The following EPS15L1 variants were observed in gnomAD, a reference collection of about 807,000 sequenced individuals.
The protein encoded by EPS15L1 is epidermal growth factor receptor substrate 15-like 1.
In EPS15L1, 43 loss-of-function variants were observed where a neutral mutation model predicts 117.1. The ratio of observed to expected loss-of-function variants is 0.37; its 90% CI spans 0.29 to 0.47. The LOEUF (loss-of-function observed/expected upper bound fraction) is 0.47. EPS15L1 is among the 20% of genes least tolerant of loss of function. The probability of loss-of-function intolerance (pLI) is 0.99; values close to 1 mark genes in which losing one functional copy is unlikely to be tolerated. For missense variants in EPS15L1, 981 were observed against 1,164.0 expected (o/e 0.84, Z 2.29); for synonymous variants, 459 against 470.5 (o/e 0.98, Z 0.32).
chr19:16,465,058 A>G (rs149761676), intron 1 of EPS15L1, among the ~76,000 whole-genome samples: 1,688 of 151,998 alleles, frequency 0.011, 11 homozygotes, highest in Non-Finnish European at 0.015. Flanking sequence ...CAGCCTGGGC[A>G]ACAGAGCGAG....
chr19:16,414,491 C>T (rs967453216), intron 12 of EPS15L1, among the ~76,000 whole-genome samples: 1 of 151,982 alleles, frequency 6.6e-6, no homozygotes, highest in African/African-American at 2.4e-5. Flanking sequence ...TCCTCCGCCT[C>T]CCCAGTTCAA....
In EPS15L1 at chr19:16,392,299, C is replaced by G; in HGVS notation, c.2103+5G>C. The G allele has an allele frequency of 6.2e-7, 1 of 1,613,990 alleles. No individual in the cohort carries two copies. Among genetic ancestry groups the G allele is most frequent in the Non-Finnish European group, 8.5e-7 (1 of 1,179,840 alleles). On this transcript the variant is annotated splice_donor_5th_base_variant and intron_variant, in intron 19 of 23. Transcript: ENST00000455140. ...CTCTCCCGGGCAACGTCCCACCCCA[C>G]TCACCTTCGAAGGTAAGGAAGGGTT...
At chr19:16,413,291 C>G in intron 13 of EPS15L1, 1 of 663,604 alleles carries the variant, frequency 1.5e-6, no homozygotes, top group Non-Finnish European at 2.7e-6. Context: ...TCCCCACGCC[C>G]AGGGGCACTG....
At position 16,405,502 on chromosome 19, in the gene EPS15L1, G is replaced by A. The variant is rs745576769; in HGVS notation, c.1267-753C>T. 3.3e-5 allele frequency among the ~76,000 whole-genome samples: 5 copies of A among 152,212 alleles called. No individual in the cohort carries two copies. The highest frequency in any genetic ancestry group is 7.4e-5 in the Non-Finnish European group (5 of 68,018). The stretch of plus-strand genomic sequence containing the variant: ...CCCCATGATTCCACTTCCAAGAAAA[G>A]CATCCTGGAAGCATACAGCGTGTGC... On this transcript the variant is annotated intron_variant, in intron 13 of 23. Coordinates refer to ENST00000455140, the MANE Select transcript of EPS15L1 (RefSeq NM_001258374.3). This position sits in a 1 kb window ranked among gnomAD's most constrained non-coding sequence, Gnocchi z 4.0.
At chr19:16,393,917 T>C (rs2092511581) in intron 18 of EPS15L1, 34 bp downstream of exon 18, 2 of 1,609,122 alleles carry the variant, frequency 1.2e-6, no homozygotes, top group South Asian at 2.2e-5. Flanking sequence ...CTGGACACAG[T>C]CTAAAGACCG....
At position 16,392,301 on chromosome 19, in the gene EPS15L1, C is replaced by A; in HGVS notation, c.2103+3G>T. 1 of 1,613,958 alleles carries A rather than the reference C, an allele frequency of 6.2e-7. No homozygotes were observed. The highest frequency in any genetic ancestry group is 1.1e-5 in the South Asian group (1 of 91,066). On this transcript the variant is annotated splice_donor_region_variant and intron_variant, in intron 19 of 23. Transcript: ENST00000455140. ...CTCCCGGGCAACGTCCCACCCCACT[C>A]ACCTTCGAAGGTAAGGAAGGGTTTT...
rs774190555 is a variant in EPS15L1 at position 16,412,967 on chromosome 19, T to C, written c.1266+806A>G. On this transcript the variant is annotated intron_variant, in intron 13 of 23. Coordinates refer to ENST00000455140, the MANE Select transcript of EPS15L1 (RefSeq NM_001258374.3). ...CTCTTCTCCCGCCCATCAAGGAATC[T>C]GAGATCATTGACTTTTGCCTGGGGG... 8.0e-5 allele frequency: 53 copies of C among 666,438 alleles called. No individual in the cohort carries two copies. The Admixed American group carries it at 9.5e-4, about 12-fold the overall frequency. The allele number at this position is 666,438 out of a possible 1,614,324, so 41.3% of individuals were successfully genotyped here. A position where few individuals can be genotyped will look rare whatever the true frequency, so the allele number is the denominator to read the frequency against.
Position 16,402,391 on chromosome 19 carries a change from G to A in EPS15L1, c.1721C>T (p.Ala574Val). ...CAGGTTGGCCAGGTCGGTCAGGCTG[G>A]CACCATGGGCTCCATCGAGCACCTG... ...YDQVLDGAHG[A>V]SLTDLANLSE... The change falls in exon 16 of 24, where the codon GCC (alanine) becomes GTC (valine). Residue 574 changes from alanine (A) to valine (V), a missense_variant. Ala to Val is a moderately conservative substitution (Grantham distance 64, BLOSUM62 0). Transcript: ENST00000455140. The A allele has an allele frequency of 6.2e-7, 1 of 1,614,122 alleles. No individual in the cohort carries two copies. Among genetic ancestry groups the A allele is most frequent in the Admixed American group, 1.7e-5 (1 of 60,014 alleles).
At chr19:16,399,123 A>G (rs2092571230) in intron 16 of EPS15L1, among the ~76,000 whole-genome samples, 1 of 152,162 alleles carries the variant, frequency 6.6e-6, no homozygotes, top group African/African-American at 2.4e-5. Context: ...CAGGCCTGCA[A>G]TCACTTTCTC....
chr19:16,469,525 GA>G (rs901634391), intron 1 of EPS15L1, among the ~76,000 whole-genome samples: 1 of 150,536 alleles, frequency 6.6e-6, no homozygotes, highest in Non-Finnish European at 1.5e-5. Context: ...ATGCTGTTGG[GA>G]AAAAAAAATC....
In EPS15L1 at chr19:16,448,009, C is replaced by A. The variant is rs542089287; in HGVS notation, c.34-5790G>T. 3.9e-5 allele frequency among the ~76,000 whole-genome samples: 6 copies of A among 152,260 alleles called. No homozygotes were observed. The East Asian group carries it at 9.6e-4, about 24-fold the overall frequency. On this transcript the variant is annotated intron_variant, in intron 1 of 23. Transcript: ENST00000455140. ...AAAAGTATTTCAGGAGGAAGGAAAG[C>A]CTTTCCACAAAGGGCACTGGAGCAA...
At chr19:16,447,043 T>C (rs1214906971) in intron 1 of EPS15L1, among the ~76,000 whole-genome samples, 1 of 152,206 alleles carries the variant, frequency 6.6e-6, no homozygotes, top group African/African-American at 2.4e-5. Context: ...ATCCTTCCAT[T>C]TCTGCCTTCC....
chr19:16,387,689 C>T (rs1192244824), intron 19 of EPS15L1, among the ~76,000 whole-genome samples: 2 of 152,080 alleles, frequency 1.3e-5, no homozygotes, highest in African/African-American at 4.8e-5. Context: ...TGGCTTGAAC[C>T]CAGGAGGTGG....
intron 16 of EPS15L1, among the ~76,000 whole-genome samples, chr19:16,399,872 C>T (rs896551998): frequency 6.6e-6 from 1 of 152,068 alleles, no homozygotes; most frequent in Admixed American, 6.5e-5. Context: ...CTGGCTCCAG[C>T]ATGCCACTGG....
intron 17 of EPS15L1, among the ~76,000 whole-genome samples, chr19:16,394,385 A>G (rs2092517369): frequency 6.6e-6 from 1 of 152,110 alleles, no homozygotes. Flanking sequence ...GCTGTCCCTC[A>G]CTTTATCACC....
At chr19:16,417,455 G>T in intron 12 of EPS15L1, 97 bp downstream of exon 12, 2 of 1,029,358 alleles carry the variant, frequency 1.9e-6, no homozygotes, top group East Asian at 2.5e-5. Flanking sequence ...AACCTGTGAT[G>T]AGCAAACTTC....
chr19:16,428,029 T>C (rs1299620031), intron 8 of EPS15L1, among the ~76,000 whole-genome samples: 2 of 141,492 alleles, frequency 1.4e-5, no homozygotes, highest in Non-Finnish European at 3.0e-5. Flanking sequence ...GGTGAAACCC[T>C]GTCTCTACTA....
intron 19 of EPS15L1, among the ~76,000 whole-genome samples, chr19:16,391,921 G>A (rs945200360): frequency 6.6e-6 from 1 of 152,134 alleles, no homozygotes; most frequent in Non-Finnish European, 1.5e-5. Flanking sequence ...GGGTCCATGC[G>A]AGCATGTGGT....
intron 5 of EPS15L1, 83 bp downstream of exon 5, chr19:16,437,687 A>G: frequency 1.1e-6 from 1 of 898,108 alleles, no homozygotes; most frequent in Non-Finnish European, 1.8e-6. Context: ...ATGGAAATAT[A>G]CATGCACATA....
Sources: allele counts gnomAD v4.1 joint callset (sites outside exome capture counted in the v4.1 genomes callset), GRCh38; gene constraint gnomAD v4.1.1; non-coding constraint Gnocchi (gnomAD v3.1); transcripts MANE v1.5; gene names NCBI Gene and HGNC (gene_info 2026-07-23, HGNC 2026-07-21).